EYS: variants seen among roughly 807,000 people sequenced by gnomAD.
The protein encoded by EYS is EGF-like photoreceptor maintenance factor.
A neutral mutation model predicts 282.1 loss-of-function variants in EYS; 250 were observed. That is an observed-to-expected ratio of 0.89 (90% confidence interval 0.80 to 0.98). The LOEUF (loss-of-function observed/expected upper bound fraction) is 0.98. Among genes scored for constraint, EYS ranks in the 50% least tolerant of loss-of-function variants. The probability of loss-of-function intolerance (pLI) is 0.00; values close to 1 mark genes in which losing one functional copy is unlikely to be tolerated. For missense variants in EYS, 4,016 were observed against 3,709.0 expected (o/e 1.08, Z -2.15); for synonymous variants, 1,355 against 1,282.9 (o/e 1.06, Z -1.20).
At chr6:64,808,581 T>C (rs1764505355) in intron 22 of EYS, among the ~76,000 whole-genome samples, 3 of 152,052 alleles carry the variant, frequency 2.0e-5, no homozygotes, top group Admixed American at 1.3e-4. Context: ...ACAAGACCAC[T>C]GAACTCAAAG....
chr6:65,669,042 G>A (rs1768291318), intron 1 of EYS, among the ~76,000 whole-genome samples: 1 of 151,926 alleles, frequency 6.6e-6, no homozygotes, highest in African/African-American at 2.4e-5. Context: ...AAATTTAAAT[G>A]TATGATGTTT....
At chr6:65,124,631 T>C (rs1020604875) in intron 12 of EYS, among the ~76,000 whole-genome samples, 1 of 152,182 alleles carries the variant, frequency 6.6e-6, no homozygotes, top group Non-Finnish European at 1.5e-5. Flanking sequence ...TCATAGTGAC[T>C]GTTACATTAA....
chr6:64,296,555 T>TAC (rs1769000006), intron 30 of EYS, among the ~76,000 whole-genome samples: 1 of 5,380 alleles, frequency 1.9e-4, no homozygotes, highest in Non-Finnish European at 3.5e-4. Flanking sequence ...TATATATATA[T>TAC]ATATATATAT....
intron 19 of EYS, among the ~76,000 whole-genome samples, chr6:64,826,429 C>T (rs150560824): frequency 2.7e-4 from 41 of 151,780 alleles, no homozygotes; most frequent in Non-Finnish European, 4.4e-4. Flanking sequence ...CTTTTTTAAG[C>T]AGATTGGAAG....
At chr6:64,133,476 TCA>T (rs61088369) in intron 31 of EYS, among the ~76,000 whole-genome samples, 5,806 of 142,204 alleles carry the variant, frequency 0.041, 124 homozygotes, top group African/African-American at 0.073. Flanking sequence ...TTGCATTACT[TCA>T]CACACACACA....
chr6:65,451,551 T>C (rs1330005600), intron 5 of EYS, among the ~76,000 whole-genome samples: 1 of 152,060 alleles, frequency 6.6e-6, no homozygotes, highest in African/African-American at 2.4e-5. Context: ...TATTGTCAAA[T>C]ACTTTAGGGA....
intron 30 of EYS, among the ~76,000 whole-genome samples, chr6:64,291,387 A>G (rs1482204866): frequency 1.3e-5 from 2 of 152,142 alleles, no homozygotes; most frequent in Admixed American, 1.3e-4. Flanking sequence ...ATATAGGATT[A>G]TATTTGTATA....
chr6:63,724,080 T>G (rs958558106), intron 42 of EYS, among the ~76,000 whole-genome samples: 8 of 152,122 alleles, frequency 5.3e-5, no homozygotes, highest in Non-Finnish European at 1.0e-4. Context: ...GTGGTGGGAT[T>G]ACAGGCATAT....
intron 28 of EYS, among the ~76,000 whole-genome samples, chr6:64,416,531 T>C (rs1774063024): frequency 6.6e-6 from 1 of 151,370 alleles, no homozygotes; most frequent in Admixed American, 6.6e-5. Context: ...TTTTTTTTTT[T>C]CTTTTCCTCT....
intron 35 of EYS, among the ~76,000 whole-genome samples, chr6:63,919,106 T>A (rs1260940482): frequency 6.6e-6 from 1 of 151,940 alleles, no homozygotes; most frequent in Non-Finnish European, 1.5e-5. Context: ...GGAAAGTAAG[T>A]AAATTTTGGG....
chr6:65,014,148 A>T (rs1466168453), intron 13 of EYS, among the ~76,000 whole-genome samples: 1 of 152,134 alleles, frequency 6.6e-6, no homozygotes, highest in Non-Finnish European at 1.5e-5. Context: ...AGCCAAGAAC[A>T]CTCTAGACAG....
chr6:64,499,886 A>G (rs947815006), intron 26 of EYS, among the ~76,000 whole-genome samples: 2 of 152,152 alleles, frequency 1.3e-5, no homozygotes, highest in Admixed American at 6.5e-5. Flanking sequence ...TGCCGTGCTC[A>G]TTGAAGAGGC....
At chr6:65,263,703 C>CTGTGTGTGTGTGTGTGTGTGTGTG (rs3042394) in intron 12 of EYS, among the ~76,000 whole-genome samples, 29 of 141,404 alleles carry the variant, frequency 2.1e-4, no homozygotes, top group Middle Eastern at 3.6e-3. Flanking sequence ...CAAGGCAAAG[C>CTGTGTGTGTGTGTGTGTGTGTGTG]TGTGTGTGTG....
At chr6:64,570,721 T>C (rs1348562879) in intron 26 of EYS, among the ~76,000 whole-genome samples, 1 of 152,028 alleles carries the variant, frequency 6.6e-6, no homozygotes, top group African/African-American at 2.4e-5. Flanking sequence ...TCAATGCAAC[T>C]AGAAGAGCTA....
chr6:64,802,343 C>T (rs549138312), intron 22 of EYS, among the ~76,000 whole-genome samples: 1 of 151,900 alleles, frequency 6.6e-6, no homozygotes. Flanking sequence ...TGAGCCACCA[C>T]GTCCGGCCGA....
intron 18 of EYS, among the ~76,000 whole-genome samples, chr6:64,901,418 C>T (rs1767659573): frequency 6.6e-6 from 1 of 150,904 alleles, no homozygotes; most frequent in Admixed American, 6.6e-5. Context: ...TGCAGGGAGA[C>T]TACAATAAGA....
chr6:65,522,604 C>T (rs980127298), intron 2 of EYS, among the ~76,000 whole-genome samples: 1 of 152,042 alleles, frequency 6.6e-6, no homozygotes, highest in African/African-American at 2.4e-5. Flanking sequence ...TATCAAAACA[C>T]ATAAAAGCAT....
At chr6:64,663,120 TA>T (rs11335087) in intron 22 of EYS, among the ~76,000 whole-genome samples, 90,296 of 151,800 alleles carry the variant, frequency 0.59, 27,052 homozygotes, top group South Asian at 0.66. Flanking sequence ...ATGATTTTCC[TA>T]AAAAATAATA....
chr6:63,754,792 A>G (rs1421406561), intron 41 of EYS, among the ~76,000 whole-genome samples: 2 of 152,124 alleles, frequency 1.3e-5, no homozygotes, highest in Non-Finnish European at 2.9e-5. Context: ...GGTTGAACTA[A>G]TTTACACTCC....
Sources: gnomAD v4.1 joint callset for allele counts (sites outside exome capture counted in the v4.1 genomes callset) on GRCh38, gnomAD v4.1.1 for gene constraint, MANE v1.5 for transcripts, NCBI Gene and HGNC (gene_info 2026-07-23, HGNC 2026-07-21) for gene names.